CADPS2: variants seen among roughly 807,000 people sequenced by gnomAD.
The protein encoded by CADPS2 is calcium dependent secretion activator 2.
Under a neutral mutation model 172.5 loss-of-function variants are expected in CADPS2, and 93 were observed. That is an observed-to-expected ratio of 0.54 (90% CI 0.46 to 0.64). The LOEUF (loss-of-function observed/expected upper bound fraction) is 0.64. Ranked by LOEUF, CADPS2 falls within the 30% of genes least tolerant of loss-of-function variation. CADPS2 has a pLI of 0.00. For synonymous variants in CADPS2, 546 were observed against 555.2 expected, an observed-to-expected ratio of 0.98 and a Z score of 0.23; for missense variants, 1,420 against 1,565.9, an observed-to-expected ratio of 0.91 and a Z score of 1.57.
rs1824394892 is a variant in CADPS2, at chr7:122,886,389, C to G, written c.-52G>C. On this transcript the variant is annotated 5_prime_UTR_variant, in exon 1 of 30. Transcript: ENST00000449022. Reference sequence around the variant, plus strand: ...CCCGCGGTCCCCAAGCGCCTCACCCCCGGCGGCTGCGCCCGCGGGTCTGAG... The same window carrying G: ...CCCGCGGTCCCCAAGCGCCTCACCCGCGGCGGCTGCGCCCGCGGGTCTGAG... 4 of 1,462,712 alleles carry G rather than the reference C, an allele frequency of 2.7e-6. No homozygotes were observed. The Admixed American group carries it at 8.3e-5, about 30-fold the overall frequency. The allele number at this position is 1,462,712 out of a possible 1,614,324, so 90.6% of individuals were successfully genotyped here.
chr7:122,436,596 A>G (rs1243904671), intron 17 of CADPS2, among the ~76,000 whole-genome samples: 3 of 151,922 alleles, frequency 2.0e-5, no homozygotes, highest in Non-Finnish European at 4.4e-5. Context: ...ATGAGCAAGC[A>G]TTTTGTTGTT....
intron 1 of CADPS2, among the ~76,000 whole-genome samples, chr7:122,860,962 G>T (rs1563195713): frequency 6.6e-6 from 1 of 152,088 alleles, no homozygotes; most frequent in African/African-American, 2.4e-5. Flanking sequence ...AATAGTAATG[G>T]TATGAGTATA....
Position 122,571,350 on chromosome 7 carries a change from C to T in CADPS2, c.1335+9829G>A, listed in dbSNP as rs189146375. Among the ~76,000 whole-genome samples the T allele has an allele frequency of 3.3e-5, 5 of 152,084 alleles. No homozygotes were observed. In the East Asian group the frequency reaches 5.8e-4, roughly 18 times the overall value. On this transcript the variant is annotated intron_variant, in intron 7 of 29. Coordinates refer to ENST00000449022, the MANE Select transcript of CADPS2 (RefSeq NM_017954.11). ...GTACATGTCTAACATTTGTTCTACC[C>T]GAGACAGAGGAAAACCTCTATTATT... is the stretch of plus-strand genomic sequence containing the variant.
chr7:122,746,773 A>C (rs1347640753), intron 1 of CADPS2, among the ~76,000 whole-genome samples: 1 of 151,880 alleles, frequency 6.6e-6, no homozygotes, highest in African/African-American at 2.4e-5. Context: ...CCCCTTACCC[A>C]CTGTTATATT....
intron 24 of CADPS2, among the ~76,000 whole-genome samples, chr7:122,379,823 A>G (rs1259666841): frequency 3.3e-5 from 5 of 152,162 alleles, no homozygotes; most frequent in African/African-American, 1.2e-4. Flanking sequence ...AGATTTAATT[A>G]ATACTGCATT....
chr7:122,519,613 A>T (rs1241196353), intron 8 of CADPS2, among the ~76,000 whole-genome samples: 1 of 152,022 alleles, frequency 6.6e-6, no homozygotes, highest in East Asian at 1.9e-4. Context: ...GAAACACACA[A>T]CTGATTGCTA....
At chr7:122,736,734 A>G (rs1181351271) in intron 2 of CADPS2, among the ~76,000 whole-genome samples, 1 of 152,176 alleles carries the variant, frequency 6.6e-6, no homozygotes, top group Non-Finnish European at 1.5e-5. Context: ...CTTCTCCTCA[A>G]AAGATGTGAC....
chr7:122,820,361 T>G (rs572044203), intron 1 of CADPS2, among the ~76,000 whole-genome samples: 7 of 152,054 alleles, frequency 4.6e-5, no homozygotes, highest in African/African-American at 1.7e-4. Context: ...CTTGGCATAA[T>G]TCTCATAAAA....
Position 122,325,497 on chromosome 7 carries a change from T to C in CADPS2, c.3697A>G (p.Thr1233Ala). Residue 1233 changes from threonine (T) to alanine (A), a missense_variant, in exon 29 of 30, where the codon ACG (threonine) becomes GCG (alanine). Coordinates refer to ENST00000449022, the MANE Select transcript of CADPS2 (RefSeq NM_017954.11). ...DLQLHIYQLK[T>A]LIKIVKKTYR... ...TTTACCTTCACAATCTTGATGAGCG[T>C]CTTCAGCTGGTAAATATGGAGTTGG... 1 of 1,609,326 alleles carries C rather than the reference T, an allele frequency of 6.2e-7. No individual in the cohort carries two copies. Among genetic ancestry groups the C allele is most frequent in the Non-Finnish European group, 8.5e-7 (1 of 1,177,328 alleles).
intron 25 of CADPS2, among the ~76,000 whole-genome samples, chr7:122,371,190 G>T (rs141346166): frequency 6.6e-6 from 1 of 152,272 alleles, no homozygotes; most frequent in East Asian, 1.9e-4. Flanking sequence ...TGAAGCATCG[G>T]CAATAAATGG....
At position 122,468,435 on chromosome 7, in the gene CADPS2, T is replaced by C. The variant is rs765234095; in HGVS notation, c.2186+2940A>G. ...CTGAATATTCCATTAACAAAGAAAT[T>C]AGGAATATAATTACATACACATTGA... On this transcript the variant is annotated intron_variant, in intron 14 of 29. Transcript: ENST00000449022. Among the ~76,000 whole-genome samples, 26 of 152,138 alleles carry C rather than the reference T, an allele frequency of 1.7e-4. 1 individual carries two copies. Among genetic ancestry groups the C allele is most frequent in the Non-Finnish European group, 1.2e-4 (8 of 68,034 alleles).
intron 8 of CADPS2, among the ~76,000 whole-genome samples, chr7:122,548,876 T>G (rs908287352): frequency 1.3e-5 from 2 of 152,148 alleles, no homozygotes; most frequent in Admixed American, 6.6e-5. Flanking sequence ...CAAAATAAAG[T>G]TAGCAGAAAA....
intron 4 of CADPS2, among the ~76,000 whole-genome samples, chr7:122,628,851 A>C (rs2076315133): frequency 6.6e-6 from 1 of 150,714 alleles, no homozygotes; most frequent in Non-Finnish European, 1.5e-5. Context: ...CAGAACCACT[A>C]TGTGCCAATA....
At chr7:122,451,043 C>T (rs993441418) in intron 15 of CADPS2, among the ~76,000 whole-genome samples, 9 of 152,152 alleles carry the variant, frequency 5.9e-5, no homozygotes, top group African/African-American at 1.9e-4. Context: ...GACTTGAGGG[C>T]TCCTTACCTG....
intron 6 of CADPS2, among the ~76,000 whole-genome samples, chr7:122,587,866 C>T (rs774705736): frequency 6.6e-6 from 1 of 152,100 alleles, no homozygotes; most frequent in African/African-American, 2.4e-5. Context: ...TGCAACCTTG[C>T]TAACATCTGT....
At chr7:122,562,080 A>C (rs1197479883) in intron 7 of CADPS2, among the ~76,000 whole-genome samples, 1 of 152,188 alleles carries the variant, frequency 6.6e-6, no homozygotes, top group Non-Finnish European at 1.5e-5. Flanking sequence ...TGTGTTGTTT[A>C]CTTAACAGTC....
At chr7:122,579,366 C>T (rs1437121472) in intron 7 of CADPS2, among the ~76,000 whole-genome samples, 4 of 150,684 alleles carry the variant, frequency 2.7e-5, no homozygotes, top group Non-Finnish European at 4.4e-5. Flanking sequence ...GGTTGGGAAA[C>T]CCTGTAATAG....
chr7:122,725,381 G>GTAT (rs1562861757), intron 2 of CADPS2, among the ~76,000 whole-genome samples: 1 of 151,804 alleles, frequency 6.6e-6, no homozygotes, highest in Non-Finnish European at 1.5e-5. Context: ...GTGTGTGTGT[G>GTAT]TATATGTGGA....
chr7:122,477,562 A>C (rs1352598905), intron 12 of CADPS2, among the ~76,000 whole-genome samples: 2 of 151,982 alleles, frequency 1.3e-5, no homozygotes, highest in Non-Finnish European at 2.9e-5. Context: ...AAAAACAAAA[A>C]ACAAAAAACC....
Sources: allele counts gnomAD v4.1 joint callset (sites outside exome capture counted in the v4.1 genomes callset), GRCh38; gene constraint gnomAD v4.1.1; transcripts MANE v1.5; gene names NCBI Gene and HGNC (gene_info 2026-07-23, HGNC 2026-07-21).